The following INPP4B variants were observed in gnomAD, a reference collection of about 807,000 sequenced individuals.
The protein encoded by INPP4B is inositol polyphosphate-4-phosphatase type II B, also known as inositol polyphosphate 4-phosphatase type II.
Under a neutral mutation model 122.5 loss-of-function variants are expected in INPP4B, and 55 were observed. That is an observed-to-expected ratio of 0.45 (90% CI 0.36 to 0.56). INPP4B has a LOEUF of 0.56. Ranked by LOEUF, INPP4B falls within the 20% of genes least tolerant of loss-of-function variation. The pLI is 0.00. For missense variants in INPP4B, 1,000 were observed against 1,097.7 expected (o/e 0.91, Z 1.26); for synonymous variants, 403 against 388.7 (o/e 1.04, Z -0.43).
At chr4:142,097,472 G>A (rs940371308) in intron 23 of INPP4B, among the ~76,000 whole-genome samples, 4 of 151,834 alleles carry the variant, frequency 2.6e-5, no homozygotes, top group African/African-American at 2.4e-5. Context: ...GACCAGGCTG[G>A]TCTCAAACTC....
intron 9 of INPP4B, among the ~76,000 whole-genome samples, chr4:142,278,649 G>T (rs1749763988): frequency 6.6e-6 from 1 of 151,832 alleles, no homozygotes; most frequent in Admixed American, 6.6e-5. Flanking sequence ...GAAGAAAGTG[G>T]AGTTGTACAG....
At chr4:142,321,729 T>G (rs549298362) in intron 7 of INPP4B, among the ~76,000 whole-genome samples, 26 of 152,268 alleles carry the variant, frequency 1.7e-4, no homozygotes, top group Middle Eastern at 3.4e-3. Context: ...CCTGCTTTGT[T>G]GAAGATCAGT....
chr4:142,648,683 G>A (rs2150523045), intron 2 of INPP4B, among the ~76,000 whole-genome samples: 1 of 152,346 alleles, frequency 6.6e-6, no homozygotes, highest in East Asian at 1.9e-4. Context: ...AAACTGGGCT[G>A]GGCGGAGCCC....
chr4:142,266,387 C>T (rs550314922), intron 10 of INPP4B, among the ~76,000 whole-genome samples: 4 of 151,816 alleles, frequency 2.6e-5, no homozygotes, highest in African/African-American at 9.7e-5. Context: ...GGGAGAGTAA[C>T]AGAGAAGAAC....
At chr4:142,034,112 CCTGCTT>C (rs550833496) in intron 25 of INPP4B, among the ~76,000 whole-genome samples, 40 of 152,128 alleles carry the variant, frequency 2.6e-4, no homozygotes, top group Non-Finnish European at 5.1e-4. Flanking sequence ...ACTGAGAGAC[CCTGCTT>C]TAGCATGAGA....
At chr4:142,444,210 T>A (rs1299058295) in intron 3 of INPP4B, among the ~76,000 whole-genome samples, 1 of 152,224 alleles carries the variant, frequency 6.6e-6, no homozygotes, top group African/African-American at 2.4e-5. Flanking sequence ...GATAGTCTAA[T>A]AGAAATTATC....
At chr4:142,048,312 T>C (rs1482334147) in intron 25 of INPP4B, among the ~76,000 whole-genome samples, 10 of 152,110 alleles carry the variant, frequency 6.6e-5, no homozygotes, top group Admixed American at 2.0e-4. Flanking sequence ...TTACAGAATA[T>C]GTAGGACAGC....
intron 2 of INPP4B, among the ~76,000 whole-genome samples, chr4:142,627,154 C>G (rs1410161402): frequency 6.6e-6 from 1 of 152,124 alleles, no homozygotes; most frequent in Non-Finnish European, 1.5e-5. Flanking sequence ...ACTGCACCAC[C>G]TTAAGAATTG....
intron 3 of INPP4B, among the ~76,000 whole-genome samples, chr4:142,456,143 A>G (rs2149546184): frequency 6.6e-6 from 1 of 151,732 alleles, no homozygotes; most frequent in African/African-American, 2.4e-5. Flanking sequence ...ACTAAACAGA[A>G]ACTTTTTAAC....
intron 2 of INPP4B, among the ~76,000 whole-genome samples, chr4:142,651,600 C>T (rs1752975024): frequency 1.3e-5 from 2 of 152,130 alleles, no homozygotes; most frequent in African/African-American, 4.8e-5. Context: ...CATTTCTACG[C>T]AAATAAACTA....
chr4:142,425,765 T>C (rs1807909117), intron 5 of INPP4B, among the ~76,000 whole-genome samples: 1 of 152,050 alleles, frequency 6.6e-6, no homozygotes, highest in Non-Finnish European at 1.5e-5. Context: ...TACATAGAAC[T>C]TAACACTATC....
intron 2 of INPP4B, among the ~76,000 whole-genome samples, chr4:142,601,886 G>A (rs751923627): frequency 1.8e-4 from 27 of 149,608 alleles, no homozygotes; most frequent in Admixed American, 7.4e-4. Context: ...GGAGAATGGC[G>A]TGAACCCGGG....
chr4:142,579,482 T>C (rs1306913282), intron 2 of INPP4B, among the ~76,000 whole-genome samples: 1 of 152,040 alleles, frequency 6.6e-6, no homozygotes, highest in African/African-American at 2.4e-5. Context: ...GGTGTTTCTA[T>C]ACAGCTGGCT....
In INPP4B at chr4:142,219,840, A is replaced by G. The variant is rs565113472; in HGVS notation, c.837-10814T>C. Among the ~76,000 whole-genome samples the G allele has an allele frequency of 7.5e-4, 114 of 152,302 alleles. 2 individuals carry two copies. The highest frequency in any genetic ancestry group is 6.5e-4 in the Admixed American group (10 of 15,288). On this transcript the variant is annotated intron_variant, in intron 12 of 25. Coordinates refer to ENST00000262992, the MANE Select transcript of INPP4B (RefSeq NM_001101669.3). ...AATTTGTTTGGTTAGTGGACACCAT[A>G]AGATTTTCCAGGTGTTATCCCTTTT...
At chr4:142,733,777 G>C (rs912971159) in intron 1 of INPP4B, among the ~76,000 whole-genome samples, 1 of 152,192 alleles carries the variant, frequency 6.6e-6, no homozygotes. Flanking sequence ...AAAAGTTGCT[G>C]AATATTATGT....
At chr4:142,518,455 C>A (rs573817183) in intron 2 of INPP4B, among the ~76,000 whole-genome samples, 1 of 152,082 alleles carries the variant, frequency 6.6e-6, no homozygotes, top group Non-Finnish European at 1.5e-5. Flanking sequence ...TAAGATACAG[C>A]AGTTCTTTAA....
chr4:142,208,398 T>G, intron 14 of INPP4B, 27 bp downstream of exon 14: 1 of 1,254,412 alleles, frequency 8.0e-7, no homozygotes, highest in Non-Finnish European at 1.1e-6. Flanking sequence ...CATAATTTGC[T>G]ATTTTTAAAA....
intron 7 of INPP4B, among the ~76,000 whole-genome samples, chr4:142,340,492 C>A (rs997272300): frequency 6.6e-6 from 1 of 152,048 alleles, no homozygotes; most frequent in Non-Finnish European, 1.5e-5. Context: ...ATTTTTGCCT[C>A]CAACTCCGGG....
Position 142,109,758 on chromosome 4 carries a change from T to C in INPP4B, c.2277-1568A>G, listed in dbSNP as rs570786403. Among the ~76,000 whole-genome samples, 16 of 152,298 alleles carry C rather than the reference T, an allele frequency of 1.1e-4. No homozygotes were observed. The South Asian group carries it at 3.1e-3, about 30-fold the overall frequency. On this transcript the variant is annotated intron_variant, in intron 22 of 25. Transcript: ENST00000262992. ...TCCTTCCACACCTTTAATTATTGCATGAGCCGAACTGTAATGTAATGTTTG... is the reference window on the plus strand; with the variant it reads ...TCCTTCCACACCTTTAATTATTGCACGAGCCGAACTGTAATGTAATGTTTG...
Sources: allele counts gnomAD v4.1 joint callset (sites outside exome capture counted in the v4.1 genomes callset), GRCh38; gene constraint gnomAD v4.1.1; transcripts MANE v1.5; gene names NCBI Gene and HGNC (gene_info 2026-07-23, HGNC 2026-07-21).